S100Z: variants seen among roughly 807,000 people sequenced by gnomAD.
The protein encoded by S100Z is S100 calcium binding protein Z, also known as protein S100-Z.
A neutral mutation model predicts 8.5 loss-of-function variants in S100Z; 11 were observed. That is an observed-to-expected ratio of 1.30 (90% CI 0.82 to 2.15). S100Z has a LOEUF of 2.15. Ranked by LOEUF, S100Z falls within the 30% of genes most tolerant of loss-of-function variation. The pLI is 0.00. For synonymous variants in S100Z, 34 were observed against 43.8 expected (o/e 0.78, Z 0.89); for missense variants, 126 against 117.9 (o/e 1.07, Z -0.32).
chr5:76,863,881 G>T (rs1751170396), intron 1 of S100Z, among the ~76,000 whole-genome samples: 1 of 152,184 alleles, frequency 6.6e-6, no homozygotes, highest in Admixed American at 6.5e-5. Flanking sequence ...GCAAATGGTT[G>T]CCCTAAGTAT....
chr5:76,929,042 C>T, the S100Z span, among the ~76,000 whole-genome samples: 1 of 152,244 alleles, frequency 6.6e-6, no homozygotes, highest in Non-Finnish European at 1.5e-5. Flanking sequence ...CTGTGCCTGG[C>T]TATTTGGCTG....
At chr5:76,874,503 G>A (rs918794678) in intron 2 of S100Z, among the ~76,000 whole-genome samples, 1 of 152,042 alleles carries the variant, frequency 6.6e-6, no homozygotes, top group African/African-American at 2.4e-5. Context: ...TGTTCATTTT[G>A]GTGATTAAAT....
intron 1 of S100Z, among the ~76,000 whole-genome samples, chr5:76,858,194 G>C (rs988824578): frequency 6.6e-6 from 1 of 152,178 alleles, no homozygotes; most frequent in African/African-American, 2.4e-5. Flanking sequence ...TGCCAGTCCA[G>C]TCATGGCACC....
At chr5:76,929,135 G>A in the S100Z span, among the ~76,000 whole-genome samples, 1 of 152,234 alleles carries the variant, frequency 6.6e-6, no homozygotes, top group Non-Finnish European at 1.5e-5. Context: ...ATGTGGCAGA[G>A]AGAAAATTAC....
At chr5:76,930,577 C>A in the S100Z span, among the ~76,000 whole-genome samples, 153 of 152,276 alleles carry the variant, frequency 1.0e-3, no homozygotes, top group African/African-American at 3.5e-3. Context: ...TCTATTCAAT[C>A]CTCAGCAAGA....
chr5:76,916,532 CAAAA>C (rs562923963), intron 4 of S100Z, among the ~76,000 whole-genome samples: 1 of 88,656 alleles, frequency 1.1e-5, no homozygotes. Flanking sequence ...TGTCCTAGGC[CAAAA>C]AAAAAAAAAA....
chr5:76,873,384 T>G (rs1022278014), intron 2 of S100Z, among the ~76,000 whole-genome samples: 1 of 151,402 alleles, frequency 6.6e-6, no homozygotes, highest in Admixed American at 6.6e-5. Flanking sequence ...CTTGGCTCAT[T>G]GCAACCTCCA....
intron 4 of S100Z, among the ~76,000 whole-genome samples, chr5:76,913,092 A>G (rs1744724680): frequency 6.6e-6 from 1 of 152,232 alleles, no homozygotes; most frequent in Admixed American, 6.5e-5. Flanking sequence ...ATAATTGATA[A>G]TTGAAGGTCT....
chr5:76,906,940 CT>C (rs1334363355), intron 4 of S100Z, among the ~76,000 whole-genome samples: 1 of 143,632 alleles, frequency 7.0e-6, no homozygotes, highest in Non-Finnish European at 1.5e-5. Flanking sequence ...AAATTTCCTT[CT>C]TTTTAAAGGC....
chr5:76,881,633 C>T lies in S100Z; in HGVS notation c.*2+3799C>T, dbSNP rs562084090. Among the ~76,000 whole-genome samples, 55 of 152,200 alleles carry T rather than the reference C, an allele frequency of 3.6e-4. 1 individual carries two copies. Among genetic ancestry groups the T allele is most frequent in the African/African-American group, 1.2e-3 (48 of 41,520 alleles). ...CTACATGGAAGAGGTTATGAAATGA[C>T]GATAGACTAGAATGGGCTTGTGAGG... On this transcript the variant is annotated intron_variant, in intron 4 of 4. Transcript: ENST00000317593.
At chr5:76,933,170 G>A in the S100Z span, among the ~76,000 whole-genome samples, 7 of 152,332 alleles carry the variant, frequency 4.6e-5, no homozygotes, top group East Asian at 1.4e-3. Context: ...GGTGTCAGGT[G>A]GTGGGGGATT....
intron 1 of S100Z, among the ~76,000 whole-genome samples, chr5:76,852,770 G>A (rs1750767334): frequency 2.0e-5 from 3 of 152,152 alleles, no homozygotes; most frequent in Non-Finnish European, 4.4e-5. Context: ...CCGGCTGTAG[G>A]TATTTGAGTT....
chr5:76,874,910 C>T (rs1488927229), intron 2 of S100Z, among the ~76,000 whole-genome samples: 2 of 151,528 alleles, frequency 1.3e-5, no homozygotes, highest in African/African-American at 4.9e-5. Flanking sequence ...TTTGAGACGG[C>T]GTCTCGCTCT....
At chr5:76,902,904 G>A (rs986724762) in intron 4 of S100Z, among the ~76,000 whole-genome samples, 11 of 152,088 alleles carry the variant, frequency 7.2e-5, no homozygotes, top group African/African-American at 1.9e-4. Flanking sequence ...TAAATAAGGC[G>A]GCTGGGCACG....
intron 1 of S100Z, among the ~76,000 whole-genome samples, chr5:76,851,509 TGAGA>T (rs541918394): frequency 3.3e-5 from 5 of 151,354 alleles, no homozygotes; most frequent in South Asian, 2.1e-4. Context: ...ACTGATTGCA[TGAGA>T]GAGAGAGAGG....
rs112803233 is a variant in S100Z, at chr5:76,868,903, C to T, written c.-175-1263C>T. Among the ~76,000 whole-genome samples the T allele has an allele frequency of 8.6e-3, 1,311 of 152,296 alleles. 25 individuals carry two copies. The highest frequency in any genetic ancestry group is 0.027 in the African/African-American group (1,140 of 41,568). On this transcript the variant is annotated intron_variant, in intron 1 of 4. Transcript: ENST00000317593. ...CCTCCCAAAGTGCTGGGATTACAGG[C>T]GTGAGCCACCACATCCAGCTCAAAC...
At position 76,877,840 on chromosome 5, in the gene S100Z, T is replaced by C. The variant is rs750940171; in HGVS notation, c.*2+6T>C. On this transcript the variant is annotated splice_donor_region_variant and intron_variant, in intron 4 of 4. Transcript: ENST00000317593. ...AAGAAGAAAGGAAAATAAAGGTAAG[T>C]AATAAGCTCATCTAAAGGCAGAAAT... is the stretch of plus-strand genomic sequence containing the variant. 6.2e-7 allele frequency: 1 copy of C among 1,600,130 alleles called. No individual in the cohort carries two copies. The highest frequency in any genetic ancestry group is 8.6e-7 in the Non-Finnish European group (1 of 1,167,408).
intron 4 of S100Z, among the ~76,000 whole-genome samples, chr5:76,900,723 T>C (rs563364173): frequency 1.3e-5 from 2 of 151,982 alleles, no homozygotes; most frequent in South Asian, 4.2e-4. Flanking sequence ...CTCCAGGATT[T>C]GTCCCTGGTG....
chr5:76,930,333 A>G, the S100Z span, among the ~76,000 whole-genome samples: 3 of 152,346 alleles, frequency 2.0e-5, no homozygotes, highest in East Asian at 5.8e-4. Context: ...GTCTGGCAAC[A>G]TGATGATTGC....
Sources: allele counts gnomAD v4.1 joint callset (sites outside exome capture counted in the v4.1 genomes callset), GRCh38; gene constraint gnomAD v4.1.1; transcripts MANE v1.5; gene names NCBI Gene and HGNC (gene_info 2026-07-23, HGNC 2026-07-21).